Variants in TMEM132D observed in about 807,000 individuals in gnomAD.
TMEM132D encodes the protein mature OL transmembrane protein.
Under a neutral mutation model 62.3 loss-of-function variants are expected in TMEM132D, and 21 were observed. The observed-to-expected ratio is 0.34, with a 90% CI of 0.24 to 0.49. The LOEUF is 0.49. Ranked by LOEUF, TMEM132D falls within the 20% of genes least tolerant of loss-of-function variation. The pLI, the probability that TMEM132D is intolerant of heterozygous loss-of-function variation, is 0.99. For synonymous variants in TMEM132D, 621 were observed against 575.6 expected (o/e 1.08, Z -1.13); for missense variants, 1,346 against 1,402.8 (o/e 0.96, Z 0.65).
At chr12:129,421,924 C>G (rs1368986519) in intron 3 of TMEM132D, among the ~76,000 whole-genome samples, 1 of 152,100 alleles carries the variant, frequency 6.6e-6, no homozygotes, top group Admixed American at 6.6e-5. Context: ...GGCAAATGCA[C>G]AGGTGTGTGT....
chr12:129,136,560 TAA>T (rs1876563104), intron 5 of TMEM132D, among the ~76,000 whole-genome samples: 1 of 152,238 alleles, frequency 6.6e-6, no homozygotes, highest in South Asian at 2.1e-4. Context: ...GGCACTACTT[TAA>T]CAACACTATT....
chr12:129,533,051 C>A (rs1876274411), intron 2 of TMEM132D, among the ~76,000 whole-genome samples: 1 of 152,056 alleles, frequency 6.6e-6, no homozygotes, highest in Non-Finnish European at 1.5e-5. Flanking sequence ...TCTTAGGAAC[C>A]CCCAGGACAC....
At chr12:129,297,213 T>C (rs1209923174) in intron 4 of TMEM132D, among the ~76,000 whole-genome samples, 2 of 152,194 alleles carry the variant, frequency 1.3e-5, no homozygotes, top group Middle Eastern at 3.2e-3. Flanking sequence ...CTGAAGGTCC[T>C]GGAACCAGGT....
chr12:129,244,351 A>C (rs1346382747), intron 4 of TMEM132D, among the ~76,000 whole-genome samples: 1 of 143,360 alleles, frequency 7.0e-6, no homozygotes, highest in Non-Finnish European at 1.5e-5. Flanking sequence ...GCGCCACTGC[A>C]CTCCAGCCTG....
chr12:129,604,307 A>T (rs919055886), intron 2 of TMEM132D, among the ~76,000 whole-genome samples: 3 of 152,206 alleles, frequency 2.0e-5, no homozygotes, highest in African/African-American at 4.8e-5. Context: ...CACGTTCAGC[A>T]CATGTATCCC....
chr12:129,080,977 C>T (rs989795419), intron 7 of TMEM132D, among the ~76,000 whole-genome samples: 5 of 152,126 alleles, frequency 3.3e-5, no homozygotes, highest in African/African-American at 1.2e-4. Flanking sequence ...TCCTTTAGCA[C>T]ATTTCTGAGT....
rs1332514718 is a variant in TMEM132D at position 129,078,725 on chromosome 12, T to A, written c.1924A>T (p.Ile642Phe). Residue 642 changes from isoleucine (I) to phenylalanine (F), a missense_variant and splice_region_variant, in exon 8 of 9, where the codon ATC (isoleucine) becomes TTC (phenylalanine). Transcript: ENST00000422113. The part of the protein sequence containing the change: ...GQELGMTTIQ[I>F]LSPLSDTILA... ...ATGGTGTCTGACAGAGGAGACAGGA[T>A]CTGGAGGGCAGAAGCGACATGACAA... is the stretch of plus-strand genomic sequence containing the variant. The A allele has an allele frequency of 6.2e-7, 1 of 1,612,468 alleles. No individual in the cohort carries two copies. Among genetic ancestry groups the A allele is most frequent in the Non-Finnish European group, 8.5e-7 (1 of 1,178,610 alleles).
At chr12:129,621,939 A>G (rs1593092990) in intron 2 of TMEM132D, among the ~76,000 whole-genome samples, 1 of 152,058 alleles carries the variant, frequency 6.6e-6, no homozygotes, top group Non-Finnish European at 1.5e-5. Context: ...TGTTACGTCT[A>G]TGCTATGGTC....
intron 3 of TMEM132D, among the ~76,000 whole-genome samples, chr12:129,374,097 CAGTT>C (rs1272034957): frequency 2.6e-5 from 4 of 152,170 alleles, no homozygotes; most frequent in African/African-American, 7.2e-5. Flanking sequence ...CTGTCTTAGT[CAGTT>C]AGAGTAGCTA....
At position 129,323,457 on chromosome 12, in the gene TMEM132D, A is replaced by G. The variant is rs549038698; in HGVS notation, c.1299+14177T>C. On this transcript the variant is annotated intron_variant, in intron 4 of 8. Transcript: ENST00000422113. ...TAGCATTAGATGAATTAACAAACCA[A>G]AAAACCACTGCTGGTGAACCGAAGA... Among the ~76,000 whole-genome samples the G allele has an allele frequency of 2.0e-5, 3 of 152,292 alleles. No individual in the cohort carries two copies. The South Asian group carries it at 6.2e-4, about 32-fold the overall frequency.
intron 3 of TMEM132D, among the ~76,000 whole-genome samples, chr12:129,500,842 C>CCTGG (rs1875117704): frequency 6.6e-6 from 1 of 152,168 alleles, no homozygotes; most frequent in African/African-American, 2.4e-5. Flanking sequence ...CACCGATGAC[C>CCTGG]CCAGTCCTTT....
At chr12:129,497,087 C>T (rs1045508890) in intron 3 of TMEM132D, among the ~76,000 whole-genome samples, 1 of 152,192 alleles carries the variant, frequency 6.6e-6, no homozygotes, top group Admixed American at 6.5e-5. Flanking sequence ...ACGGGTGGAT[C>T]ACCTGAGGTC....
intron 2 of TMEM132D, among the ~76,000 whole-genome samples, chr12:129,552,658 A>G (rs1315753346): frequency 6.6e-6 from 1 of 152,042 alleles, no homozygotes; most frequent in African/African-American, 2.4e-5. Context: ...GCATCTATCT[A>G]CCTACTTGCC....
At chr12:129,510,833 C>T (rs901170826) in intron 3 of TMEM132D, among the ~76,000 whole-genome samples, 1 of 152,116 alleles carries the variant, frequency 6.6e-6, no homozygotes, top group African/African-American at 2.4e-5. Flanking sequence ...GTTCTTGACA[C>T]CATTGTCAAA....
chr12:129,386,821 G>A (rs188379080), intron 3 of TMEM132D, among the ~76,000 whole-genome samples: 38 of 130,072 alleles, frequency 2.9e-4, no homozygotes, highest in African/African-American at 4.3e-4. Context: ...CACCAATGCC[G>A]ATGCCAACAC....
intron 3 of TMEM132D, among the ~76,000 whole-genome samples, chr12:129,463,701 AC>A (rs1247539078): frequency 1.4e-5 from 2 of 147,166 alleles, no homozygotes; most frequent in African/African-American, 5.1e-5. Flanking sequence ...TTCAATTCCC[AC>A]CTATGAGTGA....
At chr12:129,676,268 T>A (rs113399021) in intron 2 of TMEM132D, among the ~76,000 whole-genome samples, 25 of 151,800 alleles carry the variant, frequency 1.6e-4, no homozygotes, top group African/African-American at 5.6e-4. Context: ...TCTACCTGTC[T>A]GTCAGTCTGT....
rs139952879 is a variant in TMEM132D at position 129,619,036 on chromosome 12, A to G, written c.968+80774T>C. 2.6e-3 allele frequency among the ~76,000 whole-genome samples: 401 copies of G among 152,324 alleles called. 5 individuals carry two copies. The highest frequency in any genetic ancestry group is 9.1e-3 in the African/African-American group (380 of 41,576). On this transcript the variant is annotated intron_variant, in intron 2 of 8. Coordinates refer to ENST00000422113, the MANE Select transcript of TMEM132D (RefSeq NM_133448.3). Reference sequence around the variant, plus strand: ...TTGAGATAAGGGGTTGTGAAGACCAAGGTTTTTTATCATGCAGGTGAAGCC... The same window carrying G: ...TTGAGATAAGGGGTTGTGAAGACCAGGGTTTTTTATCATGCAGGTGAAGCC...
chr12:129,164,862 A>T (rs1202802900), intron 5 of TMEM132D, among the ~76,000 whole-genome samples: 1 of 152,232 alleles, frequency 6.6e-6, no homozygotes, highest in African/African-American at 2.4e-5. Context: ...AAGCCTAAAC[A>T]TATCACCAAC....
Sources: gnomAD v4.1 joint callset for allele counts (sites outside exome capture counted in the v4.1 genomes callset) on GRCh38, gnomAD v4.1.1 for gene constraint, MANE v1.5 for transcripts, NCBI Gene and HGNC (gene_info 2026-07-23, HGNC 2026-07-21) for gene names.